RUNX1: variants seen among roughly 807,000 people sequenced by gnomAD.
RUNX1 encodes the protein runt-related transcription factor 1.
A neutral mutation model predicts 42.8 loss-of-function variants in RUNX1; 19 were observed. The observed-to-expected ratio is 0.44, with a 90% CI of 0.31 to 0.65. The LOEUF is 0.65. RUNX1 is among the 30% of genes least tolerant of loss of function. RUNX1 has a pLI of 0.07. For synonymous variants in RUNX1, 271 were observed against 289.4 expected (o/e 0.94, Z 0.64); for missense variants, 528 against 672.0 (o/e 0.79, Z 2.37).
chr21:35,004,418 T>G (rs1601661755), intron 2 of RUNX1, among the ~76,000 whole-genome samples: 1 of 152,290 alleles, frequency 6.6e-6, no homozygotes, highest in Non-Finnish European at 1.5e-5. Flanking sequence ...GGCTTCTGAG[T>G]TGTAGACCTT....
At chr21:34,894,844 C>G (rs2058115907) in intron 2 of RUNX1, among the ~76,000 whole-genome samples, 1 of 150,602 alleles carries the variant, frequency 6.6e-6, no homozygotes, top group South Asian at 2.1e-4. Context: ...GTTCAGGTAA[C>G]TTGCCCAAAT....
At chr21:35,028,980 G>A (rs748946124) in intron 2 of RUNX1, among the ~76,000 whole-genome samples, 1 of 152,214 alleles carries the variant, frequency 6.6e-6, no homozygotes, top group Non-Finnish European at 1.5e-5. Context: ...GTGAATTGGA[G>A]AGGGGTTCCT....
At chr21:34,857,880 G>T (rs1014649360) in intron 6 of RUNX1, among the ~76,000 whole-genome samples, 1 of 152,204 alleles carries the variant, frequency 6.6e-6, no homozygotes, top group African/African-American at 2.4e-5. Flanking sequence ...TCCTGTCTGT[G>T]TCTATGGCCT....
chr21:34,901,291 C>T lies in RUNX1; in HGVS notation c.59-8328G>A, dbSNP rs1334842530. The stretch of plus-strand genomic sequence containing the variant: ...CTTTGGGAGGCAGAGGCGGGTGGAT[C>T]ATGAGGTCAAGAGTTTGAGACCAGC... On this transcript the variant is annotated intron_variant, in intron 2 of 8. Transcript: ENST00000675419. This position sits in a 1 kb window ranked among gnomAD's most constrained non-coding sequence, Gnocchi z 4.3. Among the ~76,000 whole-genome samples, 1 of 151,962 alleles carries T rather than the reference C, an allele frequency of 6.6e-6. No individual in the cohort carries two copies. Among genetic ancestry groups the T allele is most frequent in the Non-Finnish European group, 1.5e-5 (1 of 67,998 alleles).
intron 7 of RUNX1, chr21:34,833,059 T>C (rs2057086184): frequency 6.6e-6 from 1 of 152,240 alleles, no homozygotes; most frequent in African/African-American, 2.4e-5. Context: ...TCAAGCTCCA[T>C]GGGAGACAGT....
intron 6 of RUNX1, among the ~76,000 whole-genome samples, chr21:34,849,264 ATATAATATATATATAATATATAT>A (rs1195430060): frequency 7.8e-4 from 46 of 59,080 alleles, no homozygotes; most frequent in African/African-American, 2.7e-3. Flanking sequence ...ATATATATAT[ATATAATATATATATAATATATAT>A]TATATATAAA....
intron 5 of RUNX1, among the ~76,000 whole-genome samples, chr21:34,873,860 C>T (rs9981173): frequency 0.23 from 34,323 of 152,048 alleles, 3,994 homozygotes; most frequent in African/African-American, 0.25. Context: ...GGAGTATGCG[C>T]GCTGCCTGAA....
chr21:34,966,928 G>A (rs1177414710), intron 2 of RUNX1, among the ~76,000 whole-genome samples: 1 of 152,022 alleles, frequency 6.6e-6, no homozygotes, highest in African/African-American at 2.4e-5. Context: ...GGAGAGCGCA[G>A]GGGTCCTAAG....
chr21:34,955,679 C>T (rs942023292), intron 2 of RUNX1, among the ~76,000 whole-genome samples: 4 of 152,130 alleles, frequency 2.6e-5, no homozygotes, highest in Admixed American at 6.6e-5. Context: ...CCAGGCTTTC[C>T]GAAGGTGAAT....
At chr21:35,029,444 C>T (rs1254782363) in intron 2 of RUNX1, among the ~76,000 whole-genome samples, 2 of 152,150 alleles carry the variant, frequency 1.3e-5, no homozygotes, top group South Asian at 4.1e-4. Context: ...ACAGAGCCAG[C>T]ATAACAATGT....
At position 34,993,646 on chromosome 21, in the gene RUNX1, CACACACACACAGACACACAGAG is replaced by C. The variant is rs1484945599; in HGVS notation, c.58+55174_58+55195del. ...AGACACACACACAGACACACACAGGCACACACACACAGACACACAGAGACACACACACAGACACACACACAGG... is the reference window on the plus strand; with the variant it reads ...AGACACACACACAGACACACACAGGCACACACACACAGACACACACACAGG... On this transcript the variant is annotated intron_variant, in intron 2 of 8. Transcript: ENST00000675419. Among the ~76,000 whole-genome samples the C allele has an allele frequency of 6.8e-4, 67 of 98,678 alleles. 2 individuals carry two copies. The highest frequency in any genetic ancestry group is 2.6e-3 in the African/African-American group (57 of 22,296). The allele number at this position is 98,678 out of a possible 152,430, so 64.7% of individuals were successfully genotyped here.
intron 2 of RUNX1, among the ~76,000 whole-genome samples, chr21:34,983,220 A>T (rs2058860573): frequency 6.6e-6 from 1 of 152,206 alleles, no homozygotes; most frequent in South Asian, 2.1e-4. Context: ...AGCTTCTAGG[A>T]AGGTTAAGCA....
At chr21:34,864,724 ACAG>A (rs999938705) in intron 5 of RUNX1, among the ~76,000 whole-genome samples, 1 of 152,222 alleles carries the variant, frequency 6.6e-6, no homozygotes, top group African/African-American at 2.4e-5. Context: ...CCTGACCACC[ACAG>A]CAGCATCAGT....
Position 35,004,059 on chromosome 21 carries a change from T to C in RUNX1, c.58+44783A>G, listed in dbSNP as rs1333749585. ...GATTTCTTTAAAGTGGTAAACCTTT[T>C]CCACCACCATTTACTGTTGAGAAAA... On this transcript the variant is annotated intron_variant, in intron 2 of 8. Coordinates refer to ENST00000675419, the MANE Select transcript of RUNX1 (RefSeq NM_001754.5). Among the ~76,000 whole-genome samples, 3 of 152,334 alleles carry C rather than the reference T, an allele frequency of 2.0e-5. No homozygotes were observed. The East Asian group carries it at 5.8e-4, about 29-fold the overall frequency.
chr21:34,866,221 G>A (rs2057659829), intron 5 of RUNX1, among the ~76,000 whole-genome samples: 1 of 152,152 alleles, frequency 6.6e-6, no homozygotes, highest in South Asian at 2.1e-4. Context: ...AAACACAATC[G>A]CAACATTTTT....
chr21:35,024,110 T>G (rs1410859326), intron 2 of RUNX1, among the ~76,000 whole-genome samples: 1 of 152,150 alleles, frequency 6.6e-6, no homozygotes, highest in Non-Finnish European at 1.5e-5. Context: ...TGCCTCCATA[T>G]GTTTGTTTAC....
Position 34,834,600 on chromosome 21 carries a change from T to A in RUNX1, c.615A>T (p.Arg205Ser). ...ITVDGPREPR[R>S]HRQKLDDQTK... Reference sequence around the variant, plus strand: ...TCTGATCATCTAGTTTCTGCCGATGTCCTATTGTGGGGAGCAGGGAGGGGA... The same window carrying A: ...TCTGATCATCTAGTTTCTGCCGATGACCTATTGTGGGGAGCAGGGAGGGGA... Residue 205 changes from arginine (R) to serine (S), a missense_variant and splice_region_variant, in exon 7 of 9, where the codon AGA (arginine) becomes AGT (serine). Physicochemically the swap from Arg to Ser is moderately radical, Grantham distance 110 (BLOSUM62 -1). This residue lies in a region of RUNX1 where 83 missense variants were observed against 174.5 expected (regional missense o/e 0.48). Coordinates refer to ENST00000675419, the MANE Select transcript of RUNX1 (RefSeq NM_001754.5). The A allele has an allele frequency of 6.3e-7, 1 of 1,594,088 alleles. No homozygotes were observed. The highest frequency in any genetic ancestry group is 8.5e-7 in the Non-Finnish European group (1 of 1,170,298).
chr21:34,806,722 G>A (rs1028399230), intron 7 of RUNX1, among the ~76,000 whole-genome samples: 3 of 151,960 alleles, frequency 2.0e-5, no homozygotes, highest in African/African-American at 4.8e-5. Context: ...CATATTCTGG[G>A]CCACAAAACA....
At position 35,049,193 on chromosome 21, in the gene RUNX1, AT is replaced by A; in HGVS notation, c.-86del. On this transcript the variant is annotated 5_prime_UTR_variant, in exon 1 of 9. It adds an upstream start codon to the 5' untranslated region. Transcript: ENST00000675419. ...CACGCTGCGAAACCCTGTGGTTTGC[AT>A]TCAGTGTGATTCGTCCTGCCTGCTG... 2.3e-6 allele frequency: 1 copy of A among 429,400 alleles called. No homozygotes were observed. Among genetic ancestry groups the A allele is most frequent in the South Asian group, 2.4e-5 (1 of 42,500 alleles). 26.6% of individuals were successfully genotyped at this position (429,400 alleles called of 1,614,324 possible).
Sources: allele counts gnomAD v4.1 joint callset (sites outside exome capture counted in the v4.1 genomes callset), GRCh38; gene constraint gnomAD v4.1.1; regional missense constraint gnomAD v4.1.1; non-coding constraint Gnocchi (gnomAD v3.1); transcripts MANE v1.5; gene names NCBI Gene and HGNC (gene_info 2026-07-23, HGNC 2026-07-21).